Variants in DTNA observed in about 807,000 individuals in gnomAD.
The protein encoded by DTNA is dystrophin-related protein 3.
A neutral mutation model predicts 100.7 loss-of-function variants in DTNA; 43 were observed. The observed-to-expected ratio is 0.43, with a 90% CI of 0.33 to 0.55. DTNA has a LOEUF of 0.55. Among genes scored for constraint, DTNA ranks in the 20% least tolerant of loss-of-function variants. The probability of loss-of-function intolerance (pLI) is 0.04; values close to 1 mark genes in which losing one functional copy is unlikely to be tolerated. For synonymous variants in DTNA, 349 were observed against 347.9 expected (o/e 1.00, Z -0.04); for missense variants, 798 against 953.9 (o/e 0.84, Z 2.15).
chr18:34,756,343 G>A (rs2148237095), intron 2 of DTNA, among the ~76,000 whole-genome samples: 1 of 152,226 alleles, frequency 6.6e-6, no homozygotes. Flanking sequence ...ACTATTTAGT[G>A]TTGACATTAA....
At chr18:34,713,332 A>G (rs2083276938) in intron 1 of DTNA, among the ~76,000 whole-genome samples, 1 of 152,194 alleles carries the variant, frequency 6.6e-6, no homozygotes, top group African/African-American at 2.4e-5. Context: ...AATAGCATTT[A>G]TAAGTCACTA....
chr18:34,767,310 C>T (rs1201566047), intron 3 of DTNA, among the ~76,000 whole-genome samples: 3 of 152,120 alleles, frequency 2.0e-5, no homozygotes, highest in African/African-American at 2.4e-5. Flanking sequence ...TAGCCCCAGG[C>T]TTCTAGGCTT....
At chr18:34,685,255 G>T (rs1046432194) in intron 1 of DTNA, among the ~76,000 whole-genome samples, 1 of 152,104 alleles carries the variant, frequency 6.6e-6, no homozygotes, top group Admixed American at 6.5e-5. Flanking sequence ...TTTCTTCTTG[G>T]GTTTTTATGA....
chr18:34,739,705 A>G (rs1396806276), intron 1 of DTNA, among the ~76,000 whole-genome samples: 1 of 152,206 alleles, frequency 6.6e-6, no homozygotes, highest in African/African-American at 2.4e-5. Flanking sequence ...ACAGAAAAAC[A>G]TCTCTAACCA....
At chr18:34,666,854 G>T (rs1175800778) in intron 1 of DTNA, among the ~76,000 whole-genome samples, 1 of 152,176 alleles carries the variant, frequency 6.6e-6, no homozygotes, top group African/African-American at 2.4e-5. Flanking sequence ...GTCAGGTAGT[G>T]TGATGCCTCC....
intron 3 of DTNA, among the ~76,000 whole-genome samples, chr18:34,787,960 T>C (rs2094566778): frequency 6.6e-6 from 1 of 152,246 alleles, no homozygotes; most frequent in South Asian, 2.1e-4. Context: ...CTCGATGTGG[T>C]TATTGTTAAC....
chr18:34,873,352 G>A (rs2096783796), intron 17 of DTNA, among the ~76,000 whole-genome samples: 1 of 152,164 alleles, frequency 6.6e-6, no homozygotes, highest in South Asian at 2.1e-4. Context: ...GGCTGTGTTT[G>A]GTCCCTTGAT....
chr18:34,706,050 C>T (rs993837444), upstream of DTNA, among the ~76,000 whole-genome samples: 2 of 152,156 alleles, frequency 1.3e-5, no homozygotes, highest in African/African-American at 2.4e-5. Context: ...CAGGTACAAG[C>T]GATTCTCCTG....
In DTNA at chr18:34,800,538, C is replaced by T. The variant is rs143186185; in HGVS notation, c.363-5681C>T. 2.5e-3 allele frequency among the ~76,000 whole-genome samples: 381 copies of T among 152,200 alleles called. 3 individuals carry two copies. Among genetic ancestry groups the T allele is most frequent in the Non-Finnish European group, 4.5e-3 (306 of 68,008 alleles). ...AGCAGAGGGAGGAAGCAATTCTCTC[C>T]GTTAATTAAGCCACCAAAATGTGTG... On this transcript the variant is annotated intron_variant, in intron 4 of 22. Coordinates refer to ENST00000444659, the MANE Select transcript of DTNA (RefSeq NM_001386795.1).
At chr18:34,522,807 G>A (rs1481629846) in intron 1 of DTNA, among the ~76,000 whole-genome samples, 1 of 152,206 alleles carries the variant, frequency 6.6e-6, no homozygotes, top group African/African-American at 2.4e-5. Context: ...GAAGTAAGAT[G>A]GACCAGCTTG....
intron 6 of DTNA, 174 bp from the exon 7 acceptor site, chr18:34,815,735 C>T (rs1044780409): frequency 2.1e-5 from 13 of 616,544 alleles, no homozygotes; most frequent in African/African-American, 1.5e-4. Context: ...AAAAAGCAAA[C>T]GATGTTTTCA....
intron 9 of DTNA, among the ~76,000 whole-genome samples, chr18:34,823,901 G>C (rs1368471221): frequency 6.6e-6 from 1 of 152,188 alleles, no homozygotes. Flanking sequence ...GTCCTGTACT[G>C]ATGACCTGAG....
chr18:34,838,335 C>T (rs1454862139), intron 12 of DTNA, among the ~76,000 whole-genome samples, 164 bp downstream of exon 12: 1 of 152,228 alleles, frequency 6.6e-6, no homozygotes, highest in Non-Finnish European at 1.5e-5. Flanking sequence ...CCAGTAGACA[C>T]ATCTGTGTTG....
chr18:34,812,305 A>G (rs1419773608), intron 6 of DTNA, among the ~76,000 whole-genome samples, 192 bp downstream of exon 6: 1 of 152,126 alleles, frequency 6.6e-6, no homozygotes, highest in Non-Finnish European at 1.5e-5. Flanking sequence ...ACAATAATAG[A>G]CAGTGTTTAC....
At chr18:34,619,566 T>G (rs540293044) in intron 1 of DTNA, among the ~76,000 whole-genome samples, 1 of 152,156 alleles carries the variant, frequency 6.6e-6, no homozygotes, top group Admixed American at 6.5e-5. Flanking sequence ...AAAGATTGGA[T>G]GGGAGGTCAG....
At chr18:34,524,090 T>A (rs951664859) in intron 1 of DTNA, among the ~76,000 whole-genome samples, 2 of 152,200 alleles carry the variant, frequency 1.3e-5, no homozygotes, top group African/African-American at 4.8e-5. Context: ...TGGTTTGCTG[T>A]ATTCTTTATA....
chr18:34,528,656 G>A (rs760397718), intron 1 of DTNA, among the ~76,000 whole-genome samples: 1 of 152,010 alleles, frequency 6.6e-6, no homozygotes, highest in Non-Finnish European at 1.5e-5. Flanking sequence ...TCAAGCTTCT[G>A]GGGTACAGGG....
chr18:34,719,028 TG>T (rs1446425335), intron 1 of DTNA, among the ~76,000 whole-genome samples: 2 of 152,038 alleles, frequency 1.3e-5, no homozygotes, highest in African/African-American at 4.8e-5. Flanking sequence ...TGGAAATCAC[TG>T]AAGAAATGTA....
chr18:34,684,474 G>A (rs1329821359), intron 1 of DTNA, among the ~76,000 whole-genome samples: 3 of 152,066 alleles, frequency 2.0e-5, no homozygotes, highest in Admixed American at 2.0e-4. Flanking sequence ...TAAAGGACAT[G>A]AACTCGTTCT....
Sources: allele counts gnomAD v4.1 joint callset (sites outside exome capture counted in the v4.1 genomes callset), GRCh38; gene constraint gnomAD v4.1.1; transcripts MANE v1.5; gene names NCBI Gene and HGNC (gene_info 2026-07-23, HGNC 2026-07-21).